RGL1: variants seen among roughly 807,000 people sequenced by gnomAD.
The protein encoded by RGL1 is ral guanine nucleotide dissociation stimulator-like 1.
RGL1 carries 24 observed loss-of-function variants against 95.2 expected under a neutral mutation model. The observed-to-expected ratio is 0.25, with a 90% CI of 0.18 to 0.35. The LOEUF (loss-of-function observed/expected upper bound fraction) is 0.35, where lower values mean the gene tolerates loss of function less well. RGL1 is among the 10% of genes least tolerant of loss of function. RGL1 has a pLI of 1.00. For synonymous variants in RGL1, 329 were observed against 344.9 expected, an observed-to-expected ratio of 0.95 and a Z score of 0.51; for missense variants, 715 against 936.3, an observed-to-expected ratio of 0.76 and a Z score of 3.08.
chr1:183,911,525 C>T (rs914201909), intron 14 of RGL1, among the ~76,000 whole-genome samples: 1 of 152,168 alleles, frequency 6.6e-6, no homozygotes, highest in Non-Finnish European at 1.5e-5. Flanking sequence ...AGAACTAGCT[C>T]GCGTGCTTCT....
chr1:183,687,819 G>C (rs1185360363), intron 1 of RGL1, among the ~76,000 whole-genome samples: 1 of 152,122 alleles, frequency 6.6e-6, no homozygotes, highest in Non-Finnish European at 1.5e-5. Context: ...TTTAAAACTG[G>C]AAACTTAAAA....
chr1:183,888,367 G>A, intron 7 of RGL1, 107 bp from the exon 8 acceptor site: 2 of 692,468 alleles, frequency 2.9e-6, no homozygotes, highest in Non-Finnish European at 5.1e-6. Flanking sequence ...TGCCTATTTT[G>A]TGGTAAGAAT....
At chr1:183,912,691 T>G (rs1668717833) in intron 15 of RGL1, among the ~76,000 whole-genome samples, 1 of 152,190 alleles carries the variant, frequency 6.6e-6, no homozygotes, top group South Asian at 2.1e-4. Context: ...TTATCTCTCT[T>G]ATGTATCTGC....
In RGL1 at chr1:183,845,704, T is replaced by G. The variant is rs181492418; in HGVS notation, c.139-1862T>G. ...GATGATATTGAATCAAAATGCACAT[T>G]GCCGTCTGTGGACTGAAGAAAGTCA... is the stretch of plus-strand genomic sequence containing the variant. On this transcript the variant is annotated intron_variant, in intron 2 of 17. Coordinates refer to ENST00000360851, the MANE Select transcript of RGL1 (RefSeq NM_001297671.3). 2.3e-3 allele frequency among the ~76,000 whole-genome samples: 351 copies of G among 152,334 alleles called. 3 individuals are homozygous for G. Among genetic ancestry groups the G allele is most frequent in the African/African-American group, 8.1e-3 (337 of 41,564 alleles).
intron 2 of RGL1, among the ~76,000 whole-genome samples, chr1:183,828,691 G>A (rs530759176): frequency 4.7e-4 from 71 of 152,264 alleles, no homozygotes; most frequent in Non-Finnish European, 7.1e-4. Flanking sequence ...AAAGGGCTTC[G>A]AATATTAGAC....
chr1:183,800,593 A>T (rs1660937237), upstream of RGL1, among the ~76,000 whole-genome samples: 1 of 152,206 alleles, frequency 6.6e-6, no homozygotes, highest in Non-Finnish European at 1.5e-5. Context: ...AAGCACAAAG[A>T]TCTCTAGAAC....
At chr1:183,887,971 C>T (rs372065103) in intron 7 of RGL1, among the ~76,000 whole-genome samples, 18 of 152,128 alleles carry the variant, frequency 1.2e-4, no homozygotes, top group African/African-American at 4.1e-4. Flanking sequence ...AGCATAAAAG[C>T]CAAAGTTCAA....
intron 2 of RGL1, among the ~76,000 whole-genome samples, chr1:183,846,569 C>T (rs952894194): frequency 6.6e-6 from 1 of 151,032 alleles, no homozygotes; most frequent in Non-Finnish European, 1.5e-5. Flanking sequence ...AAAACTCCAA[C>T]AACAACAACA....
Position 183,805,329 on chromosome 1 carries a change from C to T in RGL1, c.27+5C>T, listed in dbSNP as rs1023245915. On this transcript the variant is annotated splice_donor_5th_base_variant and intron_variant, in intron 1 of 17. Coordinates refer to ENST00000360851, the MANE Select transcript of RGL1 (RefSeq NM_001297671.3). The stretch of plus-strand genomic sequence containing the variant: ...TTGCTTTGGCAAGCTAAAATGGTAA[C>T]GAGAGCTCTCTGCCTTCTCCCGAGG... 4 of 1,610,430 alleles carry T rather than the reference C, an allele frequency of 2.5e-6. No homozygotes were observed. The highest frequency in any genetic ancestry group is 3.4e-6 in the Non-Finnish European group (4 of 1,178,418).
chr1:183,707,014 C>G (rs1393306486), intron 1 of RGL1, among the ~76,000 whole-genome samples: 1 of 152,084 alleles, frequency 6.6e-6, no homozygotes, highest in African/African-American at 2.4e-5. Context: ...TTGTCGGGAC[C>G]TTGGGTGATT....
intron 8 of RGL1, among the ~76,000 whole-genome samples, chr1:183,890,391 C>T (rs1312656433): frequency 6.6e-6 from 1 of 152,120 alleles, no homozygotes; most frequent in Non-Finnish European, 1.5e-5. Context: ...GCTTTTAAAA[C>T]TATTTTCTAA....
chr1:183,888,132 T>C (rs1203323904), intron 7 of RGL1, among the ~76,000 whole-genome samples: 2 of 152,230 alleles, frequency 1.3e-5, no homozygotes, highest in Non-Finnish European at 2.9e-5. Context: ...TTAGGACATC[T>C]GTGTGCTTTC....
intron 2 of RGL1, among the ~76,000 whole-genome samples, chr1:183,841,425 C>A (rs2491436): frequency 6.6e-6 from 1 of 152,204 alleles, no homozygotes; most frequent in African/African-American, 2.4e-5. Flanking sequence ...AAGTGACTTC[C>A]CACCCAATAT....
At chr1:183,658,493 G>A (rs1334487866) in intron 1 of RGL1, among the ~76,000 whole-genome samples, 1 of 152,108 alleles carries the variant, frequency 6.6e-6, no homozygotes, top group Non-Finnish European at 1.5e-5. Context: ...CAAGGTGGCA[G>A]CGAGGCTGGG....
At chr1:183,780,873 C>A (rs1253798216) in intron 2 of RGL1, among the ~76,000 whole-genome samples, 1 of 152,082 alleles carries the variant, frequency 6.6e-6, no homozygotes, top group African/African-American at 2.4e-5. Flanking sequence ...TTTCCCAGGC[C>A]CAAGAAAACA....
In RGL1 at chr1:183,881,590, T is replaced by G. The variant is rs79145077; in HGVS notation, c.610+790T>G. Among the ~76,000 whole-genome samples the G allele has an allele frequency of 1.4e-4, 22 of 152,300 alleles. No individual in the cohort carries two copies. In the East Asian group the frequency reaches 4.3e-3, roughly 29 times the overall value. On this transcript the variant is annotated intron_variant, in intron 5 of 17. Transcript: ENST00000360851. ...CAGTTTCCATGGTGGCTGACCCACTTGGAGCTTCTGACAGGCATTACCCTG... is the reference window on the plus strand; with the variant it reads ...CAGTTTCCATGGTGGCTGACCCACTGGGAGCTTCTGACAGGCATTACCCTG...
At chr1:183,730,942 C>T (rs1055695175) in intron 1 of RGL1, among the ~76,000 whole-genome samples, 12 of 152,156 alleles carry the variant, frequency 7.9e-5, no homozygotes, top group Admixed American at 7.9e-4. Flanking sequence ...AACACACTTT[C>T]TTTTTGTCCC....
chr1:183,903,414 A>G (rs1262509493), intron 12 of RGL1, among the ~76,000 whole-genome samples: 1 of 152,168 alleles, frequency 6.6e-6, no homozygotes, highest in South Asian at 2.1e-4. Flanking sequence ...TTTTTCTGTG[A>G]TTTTCATATT....
upstream of RGL1, among the ~76,000 whole-genome samples, chr1:183,803,737 C>T (rs1048685630): frequency 1.1e-4 from 17 of 152,164 alleles, no homozygotes; most frequent in Admixed American, 5.9e-4. Flanking sequence ...AGTTGCATTT[C>T]GTGGTGTCCA....
Sources: gnomAD v4.1 joint callset for allele counts (sites outside exome capture counted in the v4.1 genomes callset) on GRCh38, gnomAD v4.1.1 for gene constraint, MANE v1.5 for transcripts, NCBI Gene and HGNC (gene_info 2026-07-23, HGNC 2026-07-21) for gene names.